Variants in COL24A1 observed in about 807,000 individuals in gnomAD.
COL24A1 encodes collagen type XXIV alpha 1 chain.
A neutral mutation model predicts 253.9 loss-of-function variants in COL24A1; 224 were observed. The observed-to-expected ratio is 0.88, with a 90% CI of 0.79 to 0.99. The LOEUF is 0.99. COL24A1 is among the 50% of genes least tolerant of loss of function. The pLI, the probability that COL24A1 is intolerant of heterozygous loss-of-function variation, is 0.00. For missense variants in COL24A1, 2,131 were observed against 2,068.5 expected, an observed-to-expected ratio of 1.03 and a Z score of -0.59; for synonymous variants, 685 against 673.7, an observed-to-expected ratio of 1.02 and a Z score of -0.26.
At chr1:85,744,582 G>T in intron 57 of COL24A1, 84 bp downstream of exon 57, 1 of 1,164,232 alleles carries the variant, frequency 8.6e-7, no homozygotes, top group Non-Finnish European at 1.2e-6. Context: ...ACTATGATTT[G>T]GAGTGAACAC....
intron 12 of COL24A1, among the ~76,000 whole-genome samples, chr1:86,043,527 T>G (rs1023249243): frequency 3.3e-5 from 5 of 152,272 alleles, no homozygotes; most frequent in Non-Finnish European, 5.9e-5. Flanking sequence ...CTTTTTATTT[T>G]TATTTTTCAT....
intron 12 of COL24A1, among the ~76,000 whole-genome samples, chr1:86,044,273 G>A (rs1699732880): frequency 6.6e-6 from 1 of 152,070 alleles, no homozygotes; most frequent in Admixed American, 6.6e-5. Flanking sequence ...GAATAAGGGG[G>A]CCATTTATAC....
intron 11 of COL24A1, 127 bp downstream of exon 11, chr1:86,049,997 G>T: frequency 1.5e-6 from 1 of 673,380 alleles, no homozygotes; most frequent in Non-Finnish European, 2.4e-6. Context: ...TCTGGCAGGT[G>T]ATTTTTCTTC....
chr1:85,965,148 A>C lies in COL24A1; in HGVS notation c.2464-86T>G, dbSNP rs41313258. The C allele has an allele frequency of 4.4e-3, 4,435 of 1,006,542 alleles. 24 individuals carry two copies. The highest frequency in any genetic ancestry group is 5.4e-3 in the Non-Finnish European group (3,658 of 671,434). The allele number at this position is 1,006,542 out of a possible 1,614,324, so 62.4% of individuals were successfully genotyped here. A position where few individuals can be genotyped will look rare whatever the true frequency, so the allele number is the denominator to read the frequency against. On this transcript the variant is annotated intron_variant, in intron 22 of 59. Coordinates refer to ENST00000370571, the MANE Select transcript of COL24A1 (RefSeq NM_152890.7). ...GTTTCCTAAGATATATGAAATTTAG[A>C]CTATTCTTATAAATTTAAATACTTT... is the stretch of plus-strand genomic sequence containing the variant.
chr1:85,775,771 G>T, intron 52 of COL24A1, 62 bp from the exon 53 acceptor site: 3 of 1,364,554 alleles, frequency 2.2e-6, no homozygotes, highest in Non-Finnish European at 3.1e-6. Flanking sequence ...AAATGTAGCT[G>T]AGGTCATTAT....
intron 37 of COL24A1, among the ~76,000 whole-genome samples, chr1:85,854,374 G>A (rs1445660778): frequency 6.6e-6 from 1 of 152,148 alleles, no homozygotes; most frequent in Non-Finnish European, 1.5e-5. Flanking sequence ...TAGCCTTGTA[G>A]TATAGTTTGA....
intron 47 of COL24A1, among the ~76,000 whole-genome samples, chr1:85,798,665 T>C (rs1021696450): frequency 6.6e-6 from 1 of 152,194 alleles, no homozygotes; most frequent in Admixed American, 6.5e-5. Flanking sequence ...TGATGAAGTG[T>C]GTTTTTCTTC....
chr1:85,994,856 A>T (rs1694625587), intron 19 of COL24A1, among the ~76,000 whole-genome samples: 1 of 152,156 alleles, frequency 6.6e-6, no homozygotes, highest in Non-Finnish European at 1.5e-5. Flanking sequence ...AAAATAATCC[A>T]TCTAGGTATC....
At chr1:85,811,144 C>G (rs746546408) in intron 47 of COL24A1, among the ~76,000 whole-genome samples, 15 of 152,198 alleles carry the variant, frequency 9.9e-5, no homozygotes, top group Non-Finnish European at 2.2e-4. Flanking sequence ...CTTTTTAAGG[C>G]TGAAAAACAT....
chr1:85,954,089 T>C (rs1690199757), intron 24 of COL24A1, among the ~76,000 whole-genome samples: 1 of 152,162 alleles, frequency 6.6e-6, no homozygotes, highest in Non-Finnish European at 1.5e-5. Context: ...ATTTGGGCAA[T>C]CTGAAAAATT....
intron 55 of COL24A1, among the ~76,000 whole-genome samples, chr1:85,756,049 C>A: frequency 1.6e-5 from 1 of 64,016 alleles, no homozygotes. Context: ...CTACAACTTA[C>A]TAACAACCAA....
intron 20 of COL24A1, among the ~76,000 whole-genome samples, chr1:85,978,800 A>G (rs974095309): frequency 6.6e-6 from 1 of 152,210 alleles, no homozygotes; most frequent in Non-Finnish European, 1.5e-5. Context: ...GAAAGTCAAC[A>G]AAGAAAGTGA....
At chr1:85,844,105 A>C (rs1445305208) in intron 39 of COL24A1, among the ~76,000 whole-genome samples, 1 of 152,012 alleles carries the variant, frequency 6.6e-6, no homozygotes. Context: ...TATTAGCCCC[A>C]AAAAAGGAAA....
intron 28 of COL24A1, among the ~76,000 whole-genome samples, chr1:85,905,713 C>T (rs1000976198): frequency 2.6e-5 from 4 of 152,132 alleles, no homozygotes; most frequent in African/African-American, 9.6e-5. Context: ...AATCAGGAAA[C>T]AGTAATAGGA....
At chr1:86,050,990 C>T (rs1700255761) in intron 10 of COL24A1, among the ~76,000 whole-genome samples, 1 of 152,028 alleles carries the variant, frequency 6.6e-6, no homozygotes, top group Non-Finnish European at 1.5e-5. Context: ...ATATATTAGA[C>T]AAATGGAAGC....
At chr1:85,927,374 C>T (rs1293518903) in intron 24 of COL24A1, among the ~76,000 whole-genome samples, 4 of 150,912 alleles carry the variant, frequency 2.7e-5, no homozygotes, top group Admixed American at 6.6e-5. Flanking sequence ...CTTTTCAGAC[C>T]GGCTTAAGAA....
Position 85,734,843 on chromosome 1 carries a change from C to T in COL24A1, c.4904G>A (p.Gly1635Asp). The change falls in exon 59 of 60, where the codon GGC becomes GAC. Residue 1635 changes from glycine to aspartate, a missense_variant. Coordinates refer to ENST00000370571, the MANE Select transcript of COL24A1 (RefSeq NM_152890.7). ...CTTGAAACCAATAGGCAATCCTGGG[C>T]CACTTGTTTGTGTGCTTGTCCACCT... ...TPRWTSTQTSGPGLPIGFKGW... is the reference protein window; with the variant it reads ...TPRWTSTQTSDPGLPIGFKGW... 1.2e-6 allele frequency: 2 copies of T among 1,614,174 alleles called. No homozygotes were observed. The highest frequency in any genetic ancestry group is 1.7e-6 in the Non-Finnish European group (2 of 1,180,032).
At chr1:85,934,561 C>T (rs952708104) in intron 24 of COL24A1, among the ~76,000 whole-genome samples, 3 of 152,052 alleles carry the variant, frequency 2.0e-5, no homozygotes, top group African/African-American at 7.2e-5. Flanking sequence ...GAATAAGGTA[C>T]TATAGTAGTC....
At chr1:85,871,514 C>T (rs1680486904) in intron 35 of COL24A1, among the ~76,000 whole-genome samples, 1 of 152,214 alleles carries the variant, frequency 6.6e-6, no homozygotes, top group Admixed American at 6.5e-5. Context: ...AAGTGGGCTT[C>T]ATCCCTGGGA....
Sources: allele counts gnomAD v4.1 joint callset (sites outside exome capture counted in the v4.1 genomes callset), GRCh38; gene constraint gnomAD v4.1.1; transcripts MANE v1.5; gene names NCBI Gene and HGNC (gene_info 2026-07-23, HGNC 2026-07-21).